The following CCT4 variants were observed in gnomAD, a reference collection of about 807,000 sequenced individuals.
CCT4 encodes the protein T-complex protein 1 subunit delta.
CCT4 carries 17 observed loss-of-function variants against 62.5 expected under a neutral mutation model. That is an observed-to-expected ratio of 0.27 (90% CI 0.19 to 0.41). CCT4 has a LOEUF of 0.41. CCT4 is among the 10% of genes least tolerant of loss of function. The probability of loss-of-function intolerance (pLI) is 1.00; values close to 1 mark genes in which losing one functional copy is unlikely to be tolerated. For synonymous variants in CCT4, 250 were observed against 229.9 expected (o/e 1.09, Z -0.79); for missense variants, 592 against 659.2 (o/e 0.90, Z 1.12).
At chr2:61,873,992 G>A (rs1271592834) in intron 8 of CCT4, among the ~76,000 whole-genome samples, 1 of 152,092 alleles carries the variant, frequency 6.6e-6, no homozygotes, top group East Asian at 1.9e-4. Context: ...GAGCCACTGT[G>A]CCTGACCTCA....
chr2:61,880,653 G>A (rs1669093037), intron 3 of CCT4, among the ~76,000 whole-genome samples: 1 of 152,082 alleles, frequency 6.6e-6, no homozygotes, highest in African/African-American at 2.4e-5. Flanking sequence ...TATATCGTAA[G>A]TACTCTATAG....
intron 12 of CCT4, 96 bp from the exon 13 acceptor site, chr2:61,869,649 TTTTC>T (rs767701328): frequency 2.1e-5 from 15 of 706,324 alleles, no homozygotes; most frequent in Middle Eastern, 2.4e-4. Flanking sequence ...CTAAATCTAG[TTTTC>T]TTTCTGTCTA....
intron 1 of CCT4, among the ~76,000 whole-genome samples, chr2:61,887,595 T>C (rs1161852260): frequency 6.6e-6 from 1 of 152,224 alleles, no homozygotes; most frequent in Non-Finnish European, 1.5e-5. Flanking sequence ...TTCCAGATTT[T>C]TCTATTTCAA....
At position 61,883,050 on chromosome 2, in the gene CCT4, C is replaced by T. The variant is rs1328465988; in HGVS notation, c.270+409G>A. ...ATCCTAAAAATATGCCTGTTCAGCACGAAAAGTGTTCATCGTGCTTAAATA... is the reference window on the plus strand; with the variant it reads ...ATCCTAAAAATATGCCTGTTCAGCATGAAAAGTGTTCATCGTGCTTAAATA... On this transcript the variant is annotated intron_variant, in intron 3 of 13. Coordinates refer to ENST00000394440, the MANE Select transcript of CCT4 (RefSeq NM_006430.4). Among the ~76,000 whole-genome samples, 4 of 152,098 alleles carry T rather than the reference C, an allele frequency of 2.6e-5. No homozygotes were observed. The East Asian group carries it at 7.7e-4, about 29-fold the overall frequency.
chr2:61,883,249 C>T (rs1037815226), intron 3 of CCT4, among the ~76,000 whole-genome samples: 1 of 151,838 alleles, frequency 6.6e-6, no homozygotes, highest in African/African-American at 2.4e-5. Context: ...TGGTGAAACC[C>T]GTCTCTACTG....
Position 61,869,960 on chromosome 2 carries a change from CA to C in CCT4, c.1492-408del, listed in dbSNP as rs1199679882. ...TATTTTTAAATATTGGCAAAATTAGCAAAATGATCACAGTAGTTAAAAATTA... is the reference window on the plus strand; with the variant it reads ...TATTTTTAAATATTGGCAAAATTAGCAAATGATCACAGTAGTTAAAAATTA... On this transcript the variant is annotated intron_variant, in intron 12 of 13. Coordinates refer to ENST00000394440, the MANE Select transcript of CCT4 (RefSeq NM_006430.4). 2.7e-5 allele frequency among the ~76,000 whole-genome samples: 4 copies of C among 149,228 alleles called. 1 individual carries two copies. The highest frequency in any genetic ancestry group is 9.8e-5 in the African/African-American group (4 of 40,784).
rs2272428 is a variant in CCT4 at position 61,880,331 on chromosome 2, T to C, written c.334A>G (p.Ile112Val). The C allele has an allele frequency of 1.7e-4, 276 of 1,606,652 alleles. 1 individual carries two copies. The East Asian group carries it at 5.8e-3, about 34-fold the overall frequency. ...AGDGTTSVVI[I>V]AGSLLDSCTK... ...CAAGAATCTAAGAGGGAGCCAGCAA[T>C]GATGACTACTGATGTGGTGCCATCT... Residue 112 changes from isoleucine (I) to valine (V), a missense_variant, in exon 4 of 14, where the codon ATT becomes GTT. By Grantham distance (29) the Ile-to-Val change is conservative. This residue lies in a region of CCT4 where 522 missense variants were observed against 571.2 expected (regional missense o/e 0.91). Coordinates refer to ENST00000394440, the MANE Select transcript of CCT4 (RefSeq NM_006430.4).
chr2:61,888,245 C>CACG (rs1669304676), intron 1 of CCT4, 136 bp downstream of exon 1: 1 of 1,051,348 alleles, frequency 9.5e-7, no homozygotes, highest in South Asian at 1.7e-5. Context: ...AGGATCCCTC[C>CACG]ACTGGGCTGC....
In CCT4 at chr2:61,876,980, G is replaced by T. The variant is rs758704952; in HGVS notation, c.717C>A (p.Thr239=). 1.2e-6 allele frequency: 2 copies of T among 1,613,658 alleles called. No individual in the cohort carries two copies. The highest frequency in any genetic ancestry group is 2.2e-5 in the South Asian group (2 of 91,076). The change falls in exon 7 of 14, where the codon ACC becomes ACA. Residue 239 remains threonine (T), a synonymous_variant. Transcript: ENST00000394440. ...GCCCAATCTTGGCCTTTTCAACTCT[G>T]GTTATGCCAGAATTTGACACTTTTT... ...LTQKVSNSGI[T]RVEKAKIGLI... is the part of the protein sequence containing the mutation.
intron 12 of CCT4, among the ~76,000 whole-genome samples, chr2:61,870,838 G>C (rs576484895): frequency 1.6e-4 from 25 of 152,110 alleles, no homozygotes; most frequent in Middle Eastern, 3.4e-3. Flanking sequence ...AGAATTGCTT[G>C]AACTTGGGAG....
At chr2:61,874,059 A>G (rs1668944519) in intron 8 of CCT4, among the ~76,000 whole-genome samples, 1 of 152,136 alleles carries the variant, frequency 6.6e-6, no homozygotes, top group Non-Finnish European at 1.5e-5. Context: ...TACTTCATGA[A>G]TTTAGAAGTA....
intron 6 of CCT4, 109 bp downstream of exon 6, chr2:61,877,284 A>G (rs1160471542): frequency 8.4e-6 from 10 of 1,191,944 alleles, no homozygotes. Context: ...AACAAAACCA[A>G]AAAGAGAAAA....
Position 61,885,087 on chromosome 2 carries a change from G to T in CCT4, c.128-15C>A. On this transcript the variant is annotated splice_polypyrimidine_tract_variant and intron_variant, in intron 1 of 13. Transcript: ENST00000394440. ...ATCAGCAACCGCTGCAGATGGGGGG[G>T]AAAAAAAAGAAAACAAATTAGAACT... 2 of 1,515,560 alleles carry T rather than the reference G, an allele frequency of 1.3e-6. No individual in the cohort carries two copies. The highest frequency in any genetic ancestry group is 2.5e-5 in the East Asian group (1 of 39,638). The allele number at this position is 1,515,560 out of a possible 1,614,324, so 93.9% of individuals were successfully genotyped here. A position where few individuals can be genotyped will look rare whatever the true frequency, so the allele number is the denominator to read the frequency against.
chr2:61,888,026 G>T (rs1669299509), intron 1 of CCT4: 1 of 213,404 alleles, frequency 4.7e-6, no homozygotes, highest in Non-Finnish European at 9.2e-6. Flanking sequence ...CATTCTACCA[G>T]TTCCAATAAG....
intron 2 of CCT4, 82 bp downstream of exon 2, chr2:61,884,938 C>T (rs2105141901): frequency 1.6e-6 from 2 of 1,232,174 alleles, no homozygotes; most frequent in African/African-American, 1.5e-5. Flanking sequence ...ACTTTTTAAA[C>T]AGCACATCTA....
chr2:61,873,951 C>T (rs1444284013), intron 8 of CCT4, among the ~76,000 whole-genome samples: 4 of 151,868 alleles, frequency 2.6e-5, no homozygotes, highest in South Asian at 2.1e-4. Flanking sequence ...CCTCCCACCT[C>T]GGCCCCACAA....
chr2:61,881,955 C>T (rs1203311401), intron 3 of CCT4, among the ~76,000 whole-genome samples: 37 of 146,016 alleles, frequency 2.5e-4, no homozygotes, highest in Non-Finnish European at 4.8e-4. Flanking sequence ...TTTTTTGAGA[C>T]GGAGTCTTAC....
intron 3 of CCT4, 137 bp downstream of exon 3, chr2:61,883,322 G>A: frequency 1.8e-6 from 1 of 556,190 alleles, no homozygotes; most frequent in Non-Finnish European, 3.1e-6. Context: ...TCAGGAGGCT[G>A]AGGCAGGAGA....
intron 13 of CCT4, among the ~76,000 whole-genome samples, chr2:61,869,238 A>C (rs1668834550): frequency 6.6e-6 from 1 of 151,852 alleles, no homozygotes; most frequent in Admixed American, 6.6e-5. Context: ...CAGGAGGATG[A>C]GACAGGAGAA....
Sources: allele counts gnomAD v4.1 joint callset (sites outside exome capture counted in the v4.1 genomes callset), GRCh38; gene constraint gnomAD v4.1.1; regional missense constraint gnomAD v4.1.1; transcripts MANE v1.5; gene names NCBI Gene and HGNC (gene_info 2026-07-23, HGNC 2026-07-21).